Variants in CHRNB1 observed in about 807,000 individuals in gnomAD.
CHRNB1 encodes the protein acetylcholine receptor subunit beta.
CHRNB1 carries 47 observed loss-of-function variants against 53.8 expected under a neutral mutation model. The observed-to-expected ratio is 0.87, with a 90% CI of 0.69 to 1.11. CHRNB1 has a LOEUF of 1.11. Among genes scored for constraint, CHRNB1 ranks in the 50% most tolerant of loss-of-function variants. The pLI is 0.00. For missense variants in CHRNB1, 605 were observed against 654.9 expected, an observed-to-expected ratio of 0.92 and a Z score of 0.83; for synonymous variants, 259 against 263.5, an observed-to-expected ratio of 0.98 and a Z score of 0.16.
rs140086721 is a variant in CHRNB1, at chr17:7,447,108, G to T, written c.419G>T (p.Arg140Leu). Residue 140 changes from arginine to leucine, a missense_variant, in exon 5 of 11, where the codon CGT becomes CTT. Physicochemically the swap from Arg to Leu is moderately radical, Grantham distance 102. Transcript: ENST00000306071. The stretch of plus-strand genomic sequence containing the variant: ...GTGGTGTCCTCCGACGGCTCCGTGC[G>T]TTGGCAACCCCCGGGCATCTATCGC... ...SVVVSSDGSV[R>L]WQPPGIYRSS... 1.4e-4 allele frequency: 219 copies of T among 1,614,042 alleles called. No homozygotes were observed. The highest frequency in any genetic ancestry group is 1.8e-4 in the Non-Finnish European group (208 of 1,180,022).
chr17:7,450,365 A>T (rs1460169608), intron 7 of CHRNB1, among the ~76,000 whole-genome samples: 13 of 151,990 alleles, frequency 8.6e-5, no homozygotes, highest in Admixed American at 7.2e-4. Context: ...GCTGGTCTCG[A>T]ACTCCTGACC....
At chr17:7,452,708 T>C (rs534903436) in intron 7 of CHRNB1, among the ~76,000 whole-genome samples, 2 of 152,330 alleles carry the variant, frequency 1.3e-5, no homozygotes, top group African/African-American at 4.8e-5. Flanking sequence ...CCTAATCCGT[T>C]GCTTAATCTG....
intron 3 of CHRNB1, chr17:7,446,392 G>GCA (rs1423744920): frequency 1.9e-6 from 1 of 527,900 alleles, no homozygotes; most frequent in Non-Finnish European, 3.4e-6. Context: ...TCACTATGTT[G>GCA]CACAGGCTGT....
intron 6 of CHRNB1, among the ~76,000 whole-genome samples, chr17:7,448,155 C>T (rs933705024): frequency 2.8e-5 from 4 of 141,024 alleles, no homozygotes; most frequent in Admixed American, 7.4e-5. Context: ...GAGGTGGAGG[C>T]GGGCAAATCA....
At position 7,445,362 on chromosome 17, in the gene CHRNB1, C is replaced by T; in HGVS notation, c.151C>T (p.Arg51Cys). The stretch of plus-strand genomic sequence containing the variant: ...GCGGCCAGCGCGGGAGGTGGGAGAC[C>T]GTGTCAGGGTCAGCGTTGGTCTCAT... ...SVRPAREVGDRVRVSVGLILA... is the reference protein window; with the variant it reads ...SVRPAREVGDCVRVSVGLILA... Residue 51 changes from arginine to cysteine, a missense_variant, in exon 2 of 11, where the codon CGT becomes TGT. Arg to Cys is a radical substitution (Grantham distance 180, BLOSUM62 -3). Coordinates refer to ENST00000306071, the MANE Select transcript of CHRNB1 (RefSeq NM_000747.3). This position sits in a 1 kb window ranked among gnomAD's most constrained non-coding sequence, Gnocchi z 5.7. 6.2e-7 allele frequency: 1 copy of T among 1,612,864 alleles called. No homozygotes were observed. Among genetic ancestry groups the T allele is most frequent in the Non-Finnish European group, 8.5e-7 (1 of 1,179,778 alleles).
intron 9 of CHRNB1, 164 bp downstream of exon 9, chr17:7,455,620 C>A: frequency 8.3e-7 from 1 of 1,207,670 alleles, no homozygotes; most frequent in Non-Finnish European, 1.2e-6. Context: ...GGAACTAAAA[C>A]AGAGGCGGTG....
intron 7 of CHRNB1, among the ~76,000 whole-genome samples, chr17:7,449,392 A>C (rs1908793666): frequency 1.6e-4 from 21 of 134,388 alleles, no homozygotes; most frequent in South Asian, 5.1e-4. Flanking sequence ...CGTGAGCCAC[A>C]GGGCCCGACC....
intron 6 of CHRNB1, 95 bp from the exon 7 acceptor site, chr17:7,448,484 C>G: frequency 8.6e-7 from 1 of 1,164,148 alleles, no homozygotes; most frequent in South Asian, 1.3e-5. Context: ...ATCAAGTCAG[C>G]CCTCTCAGGT....
chr17:7,453,333 G>A (rs1216872272), intron 7 of CHRNB1, among the ~76,000 whole-genome samples: 4 of 152,110 alleles, frequency 2.6e-5, no homozygotes, highest in Admixed American at 2.6e-4. Context: ...TGGCCAGGCT[G>A]GTCTCGAACC....
In CHRNB1 at chr17:7,457,242, G is replaced by A. The variant is rs1229832289; in HGVS notation, c.*519G>A. On this transcript the variant is annotated 3_prime_UTR_variant, in exon 11 of 11. Coordinates refer to ENST00000306071, the MANE Select transcript of CHRNB1 (RefSeq NM_000747.3). ...TGAGGCAGGAGAATCACTCGAACCCGGGAGGCAGAGGTTGCAGTGAGTCAA... is the reference window on the plus strand; with the variant it reads ...TGAGGCAGGAGAATCACTCGAACCCAGGAGGCAGAGGTTGCAGTGAGTCAA... The A allele has an allele frequency of 3.6e-5, 6 of 168,172 alleles. No homozygotes were observed. Among genetic ancestry groups the A allele is most frequent in the East Asian group, 1.7e-4 (1 of 5,946 alleles). The allele number at this position is 168,172 out of a possible 1,614,324, so 10.4% of individuals were successfully genotyped here. A position where few individuals can be genotyped will look rare whatever the true frequency, so the allele number is the denominator to read the frequency against.
Position 7,455,873 on chromosome 17 carries a change from C to G in CHRNB1, c.1297C>G (p.Leu433Val). 6.2e-7 allele frequency: 1 copy of G among 1,614,052 alleles called. No homozygotes were observed. Among genetic ancestry groups the G allele is most frequent in the Middle Eastern group, 1.6e-4 (1 of 6,062 alleles). The change falls in exon 10 of 11, where the codon CTA becomes GTA. Residue 433 changes from leucine (L) to valine (V), a missense_variant. Coordinates refer to ENST00000306071, the MANE Select transcript of CHRNB1 (RefSeq NM_000747.3). ...PNRAVALLPE[L>V]REVVSSISYI... ...CCGGGCTGTGGCCCTGCTTCCGGAG[C>G]TACGGGAGGTCGTCTCCTCTATCAG...
Position 7,447,556 on chromosome 17 carries a change from C to T in CHRNB1, c.516C>T (p.Tyr172=), listed in dbSNP as rs201033437. 1.4e-5 allele frequency: 22 copies of T among 1,614,220 alleles called. No individual in the cohort carries two copies. The highest frequency in any genetic ancestry group is 1.9e-5 in the Non-Finnish European group (22 of 1,180,052). The stretch of plus-strand genomic sequence containing the variant: ...ATTGCACTATGGTGTTCAGCTCCTA[C>T]AGCTACGACAGCTCGGAGGTCAGCC... ...WQNCTMVFSS[Y]SYDSSEVSLQ... The change falls in exon 6 of 11, where the codon TAC becomes TAT. Residue 172 remains tyrosine (Y), a synonymous_variant. Coordinates refer to ENST00000306071, the MANE Select transcript of CHRNB1 (RefSeq NM_000747.3).
Position 7,445,923 on chromosome 17 carries a change from C to T in CHRNB1, c.199-146C>T. 2.7e-6 allele frequency: 2 copies of T among 746,226 alleles called. No homozygotes were observed. Among genetic ancestry groups the T allele is most frequent in the Non-Finnish European group, 4.8e-6 (2 of 416,034 alleles). The allele number at this position is 746,226 out of a possible 1,614,324, so 46.2% of individuals were successfully genotyped here. ...GAGATAGAGGCAGGTCTTAAACTAACGCCGCTTCTGGGAGGTGGACTTGGA... is the reference window on the plus strand; with the variant it reads ...GAGATAGAGGCAGGTCTTAAACTAATGCCGCTTCTGGGAGGTGGACTTGGA... On this transcript the variant is annotated intron_variant, in intron 2 of 10. Coordinates refer to ENST00000306071, the MANE Select transcript of CHRNB1 (RefSeq NM_000747.3). The surrounding 1 kb of genome is among the most constrained non-coding windows in gnomAD (Gnocchi z 5.7).
chr17:7,456,049 CTTTTTTTTT>C, intron 10 of CHRNB1, 108 bp downstream of exon 10: 4 of 527,666 alleles, frequency 7.6e-6, no homozygotes, highest in Non-Finnish European at 8.5e-6. Context: ...TTTTTTTTGG[CTTTTTTTTT>C]TTTTTTTTTT....
chr17:7,448,599 ATCCACAAGCCCTC>A lies in CHRNB1; in HGVS notation c.634_646del (p.His212GlyfsTer2). The stretch of plus-strand genomic sequence containing the variant: ...CCCAGAGAATGGCCAGTGGGAGATT[ATCCACAAGCCCTC>A]TCGGCTAATCCAGCCTCCAGGCGAT... On this transcript the variant is annotated frameshift_variant, in exon 7 of 11. Transcript: ENST00000306071. LOFTEE classifies it high-confidence loss of function. 1 of 1,614,118 alleles carries A rather than the reference ATCCACAAGCCCTC, an allele frequency of 6.2e-7. No homozygotes were observed. The highest frequency in any genetic ancestry group is 8.5e-7 in the Non-Finnish European group (1 of 1,180,012).
chr17:7,451,881 C>T (rs1015726625), intron 7 of CHRNB1, among the ~76,000 whole-genome samples: 1 of 152,160 alleles, frequency 6.6e-6, no homozygotes. Context: ...ACATGCTCAG[C>T]AGTCAGGGCC....
rs1021566770 is a variant in CHRNB1 at position 7,456,749 on chromosome 17, C to T, written c.*26C>T. ...AGACTGGAGGGTTGAGACCCAGGCC[C>T]CCTGCCAGTTGAAGTGAGAGTTTGG... On this transcript the variant is annotated 3_prime_UTR_variant, in exon 11 of 11. Coordinates refer to ENST00000306071, the MANE Select transcript of CHRNB1 (RefSeq NM_000747.3). 3.1e-5 allele frequency: 50 copies of T among 1,613,998 alleles called. No homozygotes were observed. The highest frequency in any genetic ancestry group is 4.2e-5 in the Non-Finnish European group (49 of 1,180,018).
chr17:7,450,895 C>T lies in CHRNB1; in HGVS notation c.820+2107C>T, dbSNP rs548341063. On this transcript the variant is annotated intron_variant, in intron 7 of 10. Transcript: ENST00000306071. ...TCCTCTCTGCCATCAAATCCTTTGTCTAAAGAAGGAAAGCAGGCTGGGCGT... is the reference window on the plus strand; with the variant it reads ...TCCTCTCTGCCATCAAATCCTTTGTTTAAAGAAGGAAAGCAGGCTGGGCGT... 1.1e-4 allele frequency among the ~76,000 whole-genome samples: 16 copies of T among 152,292 alleles called. No homozygotes were observed. In the South Asian group the frequency reaches 2.7e-3, roughly 26 times the overall value.
intron 3 of CHRNB1, 39 bp downstream of exon 3, chr17:7,446,152 G>T (rs1172669357): frequency 6.4e-7 from 1 of 1,560,858 alleles, no homozygotes; most frequent in African/African-American, 1.4e-5. Flanking sequence ...GCTTCCCTCT[G>T]CCTTGACAAT....
Sources: allele counts gnomAD v4.1 joint callset (sites outside exome capture counted in the v4.1 genomes callset), GRCh38; gene constraint gnomAD v4.1.1; non-coding constraint Gnocchi (gnomAD v3.1); transcripts MANE v1.5; gene names NCBI Gene and HGNC (gene_info 2026-07-23, HGNC 2026-07-21).